The following CTIF variants were observed in gnomAD, a reference collection of about 807,000 sequenced individuals.
CTIF encodes the protein CBP80/20-dependent translation initiation factor.
CTIF carries 21 observed loss-of-function variants against 66.0 expected under a neutral mutation model. The ratio of observed to expected loss-of-function variants is 0.32; its 90% confidence interval spans 0.23 to 0.46. The LOEUF is 0.46. Ranked by LOEUF, CTIF falls within the 20% of genes least tolerant of loss-of-function variation. The pLI, the probability that CTIF is intolerant of heterozygous loss-of-function variation, is 1.00. For missense variants in CTIF, 739 were observed against 812.7 expected (o/e 0.91, Z 1.10); for synonymous variants, 345 against 326.4 (o/e 1.06, Z -0.62).
chr18:48,554,045 C>A (rs1347653053), intron 1 of CTIF, among the ~76,000 whole-genome samples: 2 of 152,138 alleles, frequency 1.3e-5, no homozygotes, highest in Non-Finnish European at 2.9e-5. Context: ...AAGAGGCCTG[C>A]AGATTGCAGT....
chr18:48,708,241 G>A (rs2092183334), intron 6 of CTIF, among the ~76,000 whole-genome samples: 1 of 152,174 alleles, frequency 6.6e-6, no homozygotes, highest in East Asian at 1.9e-4. Flanking sequence ...TGCATGAGCT[G>A]CACATCTGGT....
chr18:48,713,642 G>A (rs1041092175), intron 7 of CTIF, among the ~76,000 whole-genome samples: 1 of 152,128 alleles, frequency 6.6e-6, no homozygotes, highest in Admixed American at 6.5e-5. Flanking sequence ...AGTATGTCCT[G>A]TGAGGAGTGC....
chr18:48,815,383 A>C (rs2068340896), intron 9 of CTIF, among the ~76,000 whole-genome samples: 1 of 152,202 alleles, frequency 6.6e-6, no homozygotes, highest in Admixed American at 6.5e-5. Context: ...CCATCTATAA[A>C]ATGGGGCAGT....
At chr18:48,558,698 G>A (rs1415018660) in intron 1 of CTIF, among the ~76,000 whole-genome samples, 2 of 152,150 alleles carry the variant, frequency 1.3e-5, no homozygotes, top group African/African-American at 2.4e-5. Context: ...TTCTTAAACA[G>A]CAACTTGTTA....
intron 1 of CTIF, among the ~76,000 whole-genome samples, chr18:48,603,112 T>G (rs1403792088): frequency 6.9e-6 from 1 of 144,034 alleles, no homozygotes; most frequent in African/African-American, 2.6e-5. Flanking sequence ...GGTGGGTGAA[T>G]GGATGGATGA....
rs1598826569 is a variant in CTIF, at chr18:48,663,631, C to T, written c.253-121C>T. 6 of 858,138 alleles carry T rather than the reference C, an allele frequency of 7.0e-6. No homozygotes were observed. In the East Asian group the frequency reaches 9.8e-5, roughly 14 times the overall value. The allele number at this position is 858,138 out of a possible 1,614,324, so 53.2% of individuals were successfully genotyped here. ...AGTCCCCTGACTCTGACTGGGTGCA[C>T]CAGCCACCATACTCACTTGGGGGCT... On this transcript the variant is annotated intron_variant, in intron 3 of 11. Transcript: ENST00000256413.
chr18:48,736,303 T>C (rs2092502392), intron 7 of CTIF, among the ~76,000 whole-genome samples: 1 of 152,160 alleles, frequency 6.6e-6, no homozygotes, highest in African/African-American at 2.4e-5. Context: ...CTCTCCAAGT[T>C]CTGGAGCAAG....
intron 6 of CTIF, among the ~76,000 whole-genome samples, chr18:48,702,990 C>T (rs2092103624): frequency 6.6e-6 from 1 of 151,980 alleles, no homozygotes; most frequent in South Asian, 2.1e-4. Context: ...GTCAGAGGAG[C>T]TGTGCTTGGG....
chr18:48,644,841 C>T (rs567838244), intron 3 of CTIF, among the ~76,000 whole-genome samples: 9 of 152,302 alleles, frequency 5.9e-5, no homozygotes, highest in East Asian at 3.9e-4. Context: ...GCCATGATGT[C>T]GCGGAAGCAG....
intron 1 of CTIF, among the ~76,000 whole-genome samples, chr18:48,579,352 G>A (rs934778812): frequency 6.6e-6 from 1 of 152,008 alleles, no homozygotes; most frequent in Non-Finnish European, 1.5e-5. Context: ...CTCCATGTTG[G>A]CCAGGCTGGT....
chr18:48,825,167 ATC>A (rs760593553), intron 10 of CTIF, among the ~76,000 whole-genome samples: 1 of 152,044 alleles, frequency 6.6e-6, no homozygotes, highest in Non-Finnish European at 1.5e-5. Flanking sequence ...GGAATCTCCC[ATC>A]TCTCTGTACC....
chr18:48,559,283 T>A (rs1487557040), intron 1 of CTIF, among the ~76,000 whole-genome samples: 1 of 152,102 alleles, frequency 6.6e-6, no homozygotes, highest in Non-Finnish European at 1.5e-5. Flanking sequence ...TATTTCCTCA[T>A]CCTAGTTTTC....
chr18:48,650,873 A>C (rs1404153887), intron 3 of CTIF, among the ~76,000 whole-genome samples: 1 of 152,210 alleles, frequency 6.6e-6, no homozygotes, highest in Non-Finnish European at 1.5e-5. Context: ...TTCAACCGAG[A>C]ATTTCACATC....
chr18:48,859,239 C>T, intron 11 of CTIF, 105 bp from the exon 12 acceptor site: 2 of 963,630 alleles, frequency 2.1e-6, no homozygotes, highest in Non-Finnish European at 1.7e-6. Flanking sequence ...GCCTGTGTGT[C>T]CTTAAGACAA....
intron 9 of CTIF, among the ~76,000 whole-genome samples, chr18:48,781,197 G>A (rs546111258): frequency 1.3e-5 from 2 of 152,346 alleles, no homozygotes; most frequent in Admixed American, 6.5e-5. Flanking sequence ...CGGCCCCAGC[G>A]CCAGCCCCTG....
intron 7 of CTIF, among the ~76,000 whole-genome samples, chr18:48,726,505 A>G (rs2092388551): frequency 6.6e-6 from 1 of 152,146 alleles, no homozygotes; most frequent in Non-Finnish European, 1.5e-5. Flanking sequence ...GAGAAAGCCC[A>G]AGCAGTTGGA....
intron 1 of CTIF, among the ~76,000 whole-genome samples, chr18:48,597,214 C>T (rs972031412): frequency 4.6e-5 from 7 of 152,172 alleles, no homozygotes; most frequent in African/African-American, 1.7e-4. Flanking sequence ...CATGAGGCAG[C>T]AGGAAAAGGA....
chr18:48,586,031 C>T (rs187647657), intron 1 of CTIF, among the ~76,000 whole-genome samples: 1 of 152,216 alleles, frequency 6.6e-6, no homozygotes, highest in Non-Finnish European at 1.5e-5. Context: ...GCTAAATATG[C>T]GATGAGGATG....
chr18:48,716,245 T>C (rs990936686), intron 7 of CTIF, among the ~76,000 whole-genome samples: 2 of 152,192 alleles, frequency 1.3e-5, no homozygotes, highest in African/African-American at 4.8e-5. Context: ...GCCTGAGCTG[T>C]AGCTTGCACA....
Sources: gnomAD v4.1 joint callset for allele counts (sites outside exome capture counted in the v4.1 genomes callset) on GRCh38, gnomAD v4.1.1 for gene constraint, MANE v1.5 for transcripts, NCBI Gene and HGNC (gene_info 2026-07-23, HGNC 2026-07-21) for gene names.